ESRP1: variants seen among roughly 807,000 people sequenced by gnomAD.
ESRP1 encodes RNA-binding motif protein 35A.
A neutral mutation model predicts 81.7 loss-of-function variants in ESRP1; 33 were observed. The ratio of observed to expected loss-of-function variants is 0.40; its 90% CI spans 0.31 to 0.54. The LOEUF is 0.54. ESRP1 is among the 20% of genes least tolerant of loss of function. The pLI is 0.41. For missense variants in ESRP1, 672 were observed against 833.1 expected (o/e 0.81, Z 2.38); for synonymous variants, 320 against 303.3 (o/e 1.06, Z -0.57).
At chr8:94,653,750 A>G (rs1818267077) in intron 4 of ESRP1, among the ~76,000 whole-genome samples, 1 of 152,122 alleles carries the variant, frequency 6.6e-6, no homozygotes, top group Non-Finnish European at 1.5e-5. Context: ...CCCTGCTGTA[A>G]AGGTGAAGGC....
chr8:94,668,445 G>A (rs2241504), intron 10 of ESRP1, 195 bp downstream of exon 10: 155,799 of 436,058 alleles, frequency 0.36, 30,668 homozygotes, highest in East Asian at 0.55. Flanking sequence ...CACATACTAC[G>A]TATTTTTACA....
chr8:94,699,238 T>C (rs1809719860), intron 15 of ESRP1, among the ~76,000 whole-genome samples: 1 of 152,126 alleles, frequency 6.6e-6, no homozygotes, highest in Non-Finnish European at 1.5e-5. Flanking sequence ...TTTATATATT[T>C]GGAGTCATGA....
intron 2 of ESRP1, 95 bp downstream of exon 2, chr8:94,642,179 A>G: frequency 6.8e-7 from 1 of 1,461,584 alleles, no homozygotes; most frequent in Non-Finnish European, 9.1e-7. Context: ...TTCCCGGAGC[A>G]GGGTGGCGAG....
At chr8:94,652,375 G>A (rs1332225010) in intron 4 of ESRP1, among the ~76,000 whole-genome samples, 4 of 152,124 alleles carry the variant, frequency 2.6e-5, no homozygotes, top group Admixed American at 2.0e-4. Flanking sequence ...TGCTAGCTGA[G>A]AAGACCTCAT....
chr8:94,673,659 A>G (rs1329272178), intron 11 of ESRP1, among the ~76,000 whole-genome samples: 1 of 152,188 alleles, frequency 6.6e-6, no homozygotes, highest in Non-Finnish European at 1.5e-5. Context: ...TCTGTTAGTA[A>G]TACCTGTTTG....
intron 14 of ESRP1, among the ~76,000 whole-genome samples, chr8:94,694,605 GAA>G (rs1448430384): frequency 6.6e-6 from 1 of 152,042 alleles, no homozygotes; most frequent in African/African-American, 2.4e-5. Flanking sequence ...CTCTGTTTCA[GAA>G]AAAAAGTGTC....
At position 94,668,251 on chromosome 8, in the gene ESRP1, G is replaced by C; in HGVS notation, c.1233+1G>C. The C allele has an allele frequency of 6.4e-7, 1 of 1,570,840 alleles. No individual in the cohort carries two copies. The highest frequency in any genetic ancestry group is 1.8e-5 in the Admixed American group (1 of 54,146). Reference sequence around the variant, plus strand: ...GAGCACAGCAGCTGAAGTTCAGCAGGTTGGTTTTAAAAACAAGTATGTTGT... The same window carrying C: ...GAGCACAGCAGCTGAAGTTCAGCAGCTTGGTTTTAAAAACAAGTATGTTGT... On this transcript the variant is annotated splice_donor_variant, in intron 10 of 15. Coordinates refer to ENST00000433389, the MANE Select transcript of ESRP1 (RefSeq NM_017697.4). LOFTEE classifies it high-confidence loss of function.
At chr8:94,667,266 A>C (rs1819074207) in intron 9 of ESRP1, among the ~76,000 whole-genome samples, 1 of 151,934 alleles carries the variant, frequency 6.6e-6, no homozygotes, top group Admixed American at 6.6e-5. Flanking sequence ...TATTAGGGAA[A>C]ATGTTACTAG....
intron 4 of ESRP1, among the ~76,000 whole-genome samples, chr8:94,658,483 C>T (rs79782754): frequency 0.15 from 23,161 of 152,084 alleles, 2,289 homozygotes; most frequent in Non-Finnish European, 0.22. Context: ...CTTAAATTGA[C>T]GATTGTGGCC....
chr8:94,676,875 G>A lies in ESRP1; in HGVS notation c.1652-1328G>A, dbSNP rs572464169. Among the ~76,000 whole-genome samples, 332 of 151,944 alleles carry A rather than the reference G, an allele frequency of 2.2e-3. 1 individual carries two copies. The highest frequency in any genetic ancestry group is 3.5e-3 in the South Asian group (17 of 4,812). ...TAGTTTTGAAATCAGAATATGAACC[G>A]GGCGCGGTGGCTTACGCCTGTAATC... On this transcript the variant is annotated intron_variant, in intron 12 of 15. Transcript: ENST00000433389.
At chr8:94,690,133 T>G (rs974867406) in intron 13 of ESRP1, among the ~76,000 whole-genome samples, 3 of 149,772 alleles carry the variant, frequency 2.0e-5, no homozygotes, top group Non-Finnish European at 3.0e-5. Flanking sequence ...TTTTTTGTTT[T>G]TTTGTTTGTT....
intron 14 of ESRP1, among the ~76,000 whole-genome samples, chr8:94,693,537 TAA>T (rs1346089507): frequency 6.6e-6 from 1 of 152,250 alleles, no homozygotes. Context: ...CATAATTACC[TAA>T]GTCTTAAATT....
At position 94,641,185 on chromosome 8, in the gene ESRP1, G is replaced by A. The variant is rs1048521226; in HGVS notation, c.-134G>A. 99 of 853,272 alleles carry A rather than the reference G, an allele frequency of 1.2e-4. No individual in the cohort carries two copies. The African/African-American group carries it at 1.6e-3, about 14-fold the overall frequency. The allele number at this position is 853,272 out of a possible 1,614,324, so 52.9% of individuals were successfully genotyped here. A position where few individuals can be genotyped will look rare whatever the true frequency, so the allele number is the denominator to read the frequency against. ...TGGTTGGTTACCGCCTTTTGCACTA[G>A]CAGTAGCAAGGAAGGGGGGTGGGCG... On this transcript the variant is annotated 5_prime_UTR_variant, in exon 1 of 16. Transcript: ENST00000433389.
rs60316449 is a variant in ESRP1, at chr8:94,660,709, C to CAA, written c.491-1530_491-1529dup. Among the ~76,000 whole-genome samples, 200 of 43,546 alleles carry CAA rather than the reference C, an allele frequency of 4.6e-3. 5 individuals carry two copies. The highest frequency in any genetic ancestry group is 9.8e-3 in the African/African-American group (92 of 9,378). The allele number at this position is 43,546 out of a possible 152,430, so 28.6% of individuals were successfully genotyped here. ...CCTGGGCAACAGAGCGAGACTATCT[C>CAA]AAAAAAAAAAAAAAAAAAAAAAAAA... On this transcript the variant is annotated intron_variant, in intron 4 of 15. Transcript: ENST00000433389.
chr8:94,643,558 T>C, intron 3 of ESRP1, 142 bp downstream of exon 3: 1 of 563,328 alleles, frequency 1.8e-6, no homozygotes, highest in Non-Finnish European at 3.2e-6. Context: ...GAATTTCAGT[T>C]TGGGAAGATG....
chr8:94,688,585 G>A, intron 13 of ESRP1: 1 of 205,702 alleles, frequency 4.9e-6, no homozygotes, highest in South Asian at 8.3e-5. Context: ...AAACACACAT[G>A]AGGGAAAACC....
chr8:94,658,826 C>T (rs933221779), intron 4 of ESRP1, among the ~76,000 whole-genome samples: 2 of 152,150 alleles, frequency 1.3e-5, no homozygotes, highest in African/African-American at 4.8e-5. Context: ...TTAGGTTTTG[C>T]GGAGCACATT....
chr8:94,659,938 A>G (rs1014570866), intron 4 of ESRP1, among the ~76,000 whole-genome samples: 3 of 152,342 alleles, frequency 2.0e-5, no homozygotes, highest in Admixed American at 6.5e-5. Flanking sequence ...CTTCAATTCT[A>G]TGAAGGCTGA....
At chr8:94,643,061 G>T (rs1413653206) in intron 2 of ESRP1, among the ~76,000 whole-genome samples, 4 of 152,318 alleles carry the variant, frequency 2.6e-5, no homozygotes, top group African/African-American at 9.6e-5. Flanking sequence ...TGTAAAAACA[G>T]AAGGGAGAAT....
Sources: allele counts gnomAD v4.1 joint callset (sites outside exome capture counted in the v4.1 genomes callset), GRCh38; gene constraint gnomAD v4.1.1; transcripts MANE v1.5; gene names NCBI Gene and HGNC (gene_info 2026-07-23, HGNC 2026-07-21).